FOXJ3: variants seen among roughly 807,000 people sequenced by gnomAD.
The protein encoded by FOXJ3 is forkhead box protein J3.
In FOXJ3, 22 loss-of-function variants were observed where a neutral mutation model predicts 76.1. The observed-to-expected ratio is 0.29, with a 90% CI of 0.21 to 0.41. The LOEUF is 0.41. Ranked by LOEUF, FOXJ3 falls within the 10% of genes least tolerant of loss-of-function variation. The pLI, the probability that FOXJ3 is intolerant of heterozygous loss-of-function variation, is 1.00. For missense variants in FOXJ3, 613 were observed against 762.1 expected, an observed-to-expected ratio of 0.80 and a Z score of 2.30; for synonymous variants, 269 against 261.2, an observed-to-expected ratio of 1.03 and a Z score of -0.29.
chr1:42,267,104 C>T (rs1651523805), intron 3 of FOXJ3, among the ~76,000 whole-genome samples: 1 of 152,044 alleles, frequency 6.6e-6, no homozygotes, highest in Admixed American at 6.6e-5. Context: ...ATACACAAGA[C>T]TAGTCTGGCT....
At chr1:42,226,401 C>CCACCCA in intron 5 of FOXJ3, among the ~76,000 whole-genome samples, 1 of 152,290 alleles carries the variant, frequency 6.6e-6, no homozygotes. Context: ...CACCTGAGGT[C>CCACCCA]AGGAGTTCGA....
chr1:42,323,637 T>C, intron 1 of FOXJ3: 1 of 895,356 alleles, frequency 1.1e-6, no homozygotes, highest in Non-Finnish European at 1.3e-6. Context: ...CCATAGCTCT[T>C]AGTATCTGTA....
chr1:42,187,412 C>CA (rs1267108455), intron 11 of FOXJ3, among the ~76,000 whole-genome samples: 1 of 151,886 alleles, frequency 6.6e-6, no homozygotes, highest in Non-Finnish European at 1.5e-5. Flanking sequence ...AAAAAAGGGA[C>CA]AAAAAACAGA....
intron 2 of FOXJ3, among the ~76,000 whole-genome samples, chr1:42,295,019 T>C (rs1653691109): frequency 6.6e-6 from 1 of 152,228 alleles, no homozygotes; most frequent in Admixed American, 6.5e-5. Flanking sequence ...TTTTATTTTT[T>C]GCTTGATGTA....
intron 2 of FOXJ3, among the ~76,000 whole-genome samples, chr1:42,306,591 G>A (rs1477299383): frequency 2.6e-5 from 4 of 151,688 alleles, no homozygotes; most frequent in African/African-American, 4.8e-5. Context: ...CATGAGCCAC[G>A]GTGCCCGGTC....
rs2124269231 is a variant in FOXJ3, at chr1:42,199,230, C to G, written c.631G>C (p.Val211Leu). 3.1e-6 allele frequency: 5 copies of G among 1,608,174 alleles called. 1 individual carries two copies. Among genetic ancestry groups the G allele is most frequent in the Middle Eastern group, 1.7e-4 (1 of 6,022 alleles). ...TLAINTVTNK[V>L]TLYNTDQDGS... ...TCCTGATCAGTGTTATACAATGTTA[C>G]CTAAAATGAAAAAAGAAAAATGACA... is the stretch of plus-strand genomic sequence containing the variant. The change falls in exon 7 of 13, where the codon GTA (valine) becomes CTA (leucine). Residue 211 changes from valine (V) to leucine (L), a missense_variant and splice_region_variant. Coordinates refer to ENST00000361346, the MANE Select transcript of FOXJ3 (RefSeq NM_014947.5).
At chr1:42,311,852 T>TA (rs1300532454) in intron 1 of FOXJ3, among the ~76,000 whole-genome samples, 2 of 152,196 alleles carry the variant, frequency 1.3e-5, no homozygotes, top group Admixed American at 1.3e-4. Flanking sequence ...CAGAGGGGAT[T>TA]AAACTGCAAG....
At chr1:42,236,319 T>C (rs79111498) in intron 4 of FOXJ3, among the ~76,000 whole-genome samples, 2 of 152,146 alleles carry the variant, frequency 1.3e-5, no homozygotes, top group African/African-American at 2.4e-5. Context: ...GCCTCCTGAA[T>C]AGGTAGGACT....
intron 4 of FOXJ3, among the ~76,000 whole-genome samples, chr1:42,243,423 C>T (rs1406928487): frequency 6.6e-6 from 1 of 152,118 alleles, no homozygotes; most frequent in East Asian, 1.9e-4. Flanking sequence ...TCCATAACAA[C>T]CTTGAATGTA....
chr1:42,190,826 G>A (rs941769721), intron 9 of FOXJ3, among the ~76,000 whole-genome samples: 2 of 152,164 alleles, frequency 1.3e-5, no homozygotes, highest in African/African-American at 4.8e-5. Flanking sequence ...CAGCGACTGG[G>A]TGAGCAAACC....
At chr1:42,215,072 T>C (rs1305546605) in intron 5 of FOXJ3, among the ~76,000 whole-genome samples, 4 of 152,142 alleles carry the variant, frequency 2.6e-5, no homozygotes, top group African/African-American at 9.7e-5. Context: ...ATATTCACAA[T>C]GTCTAGGACA....
rs1336153005 is a variant in FOXJ3 at position 42,179,461 on chromosome 1, G to A, written c.*249C>T. The A allele has an allele frequency of 7.6e-6, 2 of 261,930 alleles. No homozygotes were observed. Among genetic ancestry groups the A allele is most frequent in the African/African-American group, 2.2e-5 (1 of 45,240 alleles). 16.2% of individuals were successfully genotyped at this position (261,930 alleles called of 1,614,324 possible). On this transcript the variant is annotated 3_prime_UTR_variant, in exon 13 of 13. Coordinates refer to ENST00000361346, the MANE Select transcript of FOXJ3 (RefSeq NM_014947.5). ...AACTGACACAAATATGCAAAAAGCCGTCCAAATCACACAACAGTTAGGAGC... is the reference window on the plus strand; with the variant it reads ...AACTGACACAAATATGCAAAAAGCCATCCAAATCACACAACAGTTAGGAGC...
At chr1:42,226,069 T>C (rs1647533522) in intron 5 of FOXJ3, among the ~76,000 whole-genome samples, 1 of 152,244 alleles carries the variant, frequency 6.6e-6, no homozygotes, top group Non-Finnish European at 1.5e-5. Context: ...TGTTTAACAA[T>C]GCTATGTGTT....
chr1:42,197,950 T>C (rs1646684606), intron 7 of FOXJ3, among the ~76,000 whole-genome samples: 1 of 152,202 alleles, frequency 6.6e-6, no homozygotes, highest in African/African-American at 2.4e-5. Flanking sequence ...GTATTTTTTA[T>C]TGCTGTACCT....
intron 3 of FOXJ3, among the ~76,000 whole-genome samples, chr1:42,275,870 G>A (rs948720549): frequency 6.6e-6 from 1 of 152,084 alleles, no homozygotes; most frequent in Non-Finnish European, 1.5e-5. Context: ...GCCTGTAAGA[G>A]CTCCCAGTGG....
chr1:42,262,045 G>A (rs1028605187), intron 4 of FOXJ3, among the ~76,000 whole-genome samples: 9 of 152,134 alleles, frequency 5.9e-5, no homozygotes, highest in Non-Finnish European at 1.0e-4. Flanking sequence ...GGGGGGTGAC[G>A]GGGTGAACAC....
chr1:42,284,358 A>G (rs1432185241), intron 2 of FOXJ3, among the ~76,000 whole-genome samples: 1 of 152,256 alleles, frequency 6.6e-6, no homozygotes, highest in Non-Finnish European at 1.5e-5. Flanking sequence ...GTGCAAAAAC[A>G]GAAATGCAGG....
chr1:42,299,954 G>A (rs1300172276), intron 2 of FOXJ3, among the ~76,000 whole-genome samples: 1 of 151,838 alleles, frequency 6.6e-6, no homozygotes, highest in Non-Finnish European at 1.5e-5. Context: ...CGTAATCCGA[G>A]CACTTTGGAA....
At chr1:42,241,876 C>T (rs540299078) in intron 4 of FOXJ3, among the ~76,000 whole-genome samples, 99 of 152,326 alleles carry the variant, frequency 6.5e-4, no homozygotes, top group African/African-American at 2.3e-3. Context: ...ACAGTAACAT[C>T]CAACCCACCA....
Sources: gnomAD v4.1 joint callset for allele counts (sites outside exome capture counted in the v4.1 genomes callset) on GRCh38, gnomAD v4.1.1 for gene constraint, MANE v1.5 for transcripts, NCBI Gene and HGNC (gene_info 2026-07-23, HGNC 2026-07-21) for gene names.